The following ANK2 variants were observed in gnomAD, a reference collection of about 807,000 sequenced individuals.
ANK2 encodes ankyrin 2.
A neutral mutation model predicts 360.5 loss-of-function variants in ANK2; 83 were observed. The observed-to-expected ratio is 0.23, with a 90% CI of 0.19 to 0.28. The LOEUF (loss-of-function observed/expected upper bound fraction) is 0.28. Among genes scored for constraint, ANK2 ranks in the 10% least tolerant of loss-of-function variants. The pLI is 1.00. For missense variants in ANK2, 4,201 were observed against 4,795.7 expected (o/e 0.88, Z 3.66); for synonymous variants, 1,740 against 1,759.5 (o/e 0.99, Z 0.28).
intron 1 of ANK2, among the ~76,000 whole-genome samples, chr4:112,875,340 G>T (rs1280063106): frequency 1.3e-5 from 2 of 152,064 alleles, no homozygotes; most frequent in South Asian, 2.1e-4. Context: ...TTGGGACAGG[G>T]TCTTGCTCTG....
At chr4:112,810,141 ATATATATATATATATATATTTT>A in the ANK2 span, among the ~76,000 whole-genome samples, 26 of 26,054 alleles carry the variant, frequency 1.0e-3, no homozygotes, top group African/African-American at 5.8e-3. Context: ...ATATATATAT[ATATATATATATATATATATTTT>A]TTTTTTTTTT....
At chr4:113,167,303 C>CT (rs111441839) in intron 1 of ANK2, among the ~76,000 whole-genome samples, 3,182 of 141,104 alleles carry the variant, frequency 0.023, 53 homozygotes, top group Non-Finnish European at 0.036. Flanking sequence ...CTAGGGTCAC[C>CT]TTTTTTTTTT....
intron 14 of ANK2, 36 bp downstream of exon 14, chr4:113,265,031 A>G (rs1407506038): frequency 2.1e-5 from 32 of 1,537,838 alleles, no homozygotes; most frequent in African/African-American, 9.6e-5. Context: ...CTTCTATCGC[A>G]GCGCATGAGT....
chr4:113,244,457 A>G (rs1170748109), intron 9 of ANK2, among the ~76,000 whole-genome samples: 1 of 152,208 alleles, frequency 6.6e-6, no homozygotes. Flanking sequence ...GCTGGTTTCC[A>G]TGGTGTAAAT....
At chr4:113,250,645 A>C (rs1313051942) in intron 10 of ANK2, among the ~76,000 whole-genome samples, 3 of 152,090 alleles carry the variant, frequency 2.0e-5, no homozygotes, top group Admixed American at 6.6e-5. Context: ...ATACTCATAC[A>C]GAGCTGATTA....
At chr4:113,301,649 T>C (rs10013347) in intron 22 of ANK2, among the ~76,000 whole-genome samples, 72,386 of 151,960 alleles carry the variant, frequency 0.48, 18,174 homozygotes, top group South Asian at 0.57. Context: ...CCCTTCCTTC[T>C]CCAACACCTG....
chr4:113,131,642 C>T (rs1021472634), intron 1 of ANK2, among the ~76,000 whole-genome samples: 2 of 152,192 alleles, frequency 1.3e-5, no homozygotes, highest in Non-Finnish European at 2.9e-5. Context: ...GTGATTGTGG[C>T]ATGTCAAAGT....
At chr4:112,940,896 G>A (rs1581573109) in intron 2 of ANK2, among the ~76,000 whole-genome samples, 1 of 152,048 alleles carries the variant, frequency 6.6e-6, no homozygotes, top group South Asian at 2.1e-4. Flanking sequence ...TTTATGTTCT[G>A]AATCACAGCC....
At chr4:113,211,212 C>A (rs1338887335) in intron 4 of ANK2, among the ~76,000 whole-genome samples, 1 of 152,200 alleles carries the variant, frequency 6.6e-6, no homozygotes, top group Non-Finnish European at 1.5e-5. Flanking sequence ...GGAAAGGATT[C>A]TTGCATCAAT....
chr4:112,831,385 C>G (rs933148970), intron 1 of ANK2, among the ~76,000 whole-genome samples: 1 of 152,226 alleles, frequency 6.6e-6, no homozygotes, highest in Non-Finnish European at 1.5e-5. Context: ...TGCTCTGTGT[C>G]TAGCTAATCT....
rs960025028 is a variant in ANK2, at chr4:112,822,005, C to T, written c.-40+3741C>T. On this transcript the variant is annotated intron_variant, in intron 1 of 30. Coordinates refer to the ANK2 transcript ENST00000503271. Reference sequence around the variant, plus strand: ...CTGGTCTTGAACTCCTGGGCTCAAGCGATCCACCCGCCTCAGCCTCCCAAA... The same window carrying T: ...CTGGTCTTGAACTCCTGGGCTCAAGTGATCCACCCGCCTCAGCCTCCCAAA... 2.6e-5 allele frequency among the ~76,000 whole-genome samples: 4 copies of T among 151,718 alleles called. No individual in the cohort carries two copies. The East Asian group carries it at 5.8e-4, about 22-fold the overall frequency.
the ANK2 span, chr4:112,798,622 G>C: frequency 6.6e-6 from 1 of 152,234 alleles, no homozygotes; most frequent in Non-Finnish European, 1.5e-5. Context: ...ATGATCAATT[G>C]TACCTGTATT....
intron 33 of ANK2, among the ~76,000 whole-genome samples, chr4:113,342,473 G>C (rs1303282969): frequency 6.6e-6 from 1 of 152,090 alleles, no homozygotes; most frequent in Admixed American, 6.5e-5. Context: ...GGCCGAGGTG[G>C]GTGGATCATC....
In ANK2 at chr4:113,292,465, T is replaced by C; in HGVS notation, c.2327T>C (p.Ile776Thr). The change falls in exon 21 of 46, where the codon ATC becomes ACC. Residue 776 changes from isoleucine (I) to threonine (T), a missense_variant. This residue lies in a region of ANK2 where 1,268 missense variants were observed against 1,650.8 expected (regional missense o/e 0.77). Coordinates refer to ENST00000357077, the MANE Select transcript of ANK2 (RefSeq NM_001148.6). ...HQAAQQGHTH[I>T]INVLLQHGAK... The stretch of plus-strand genomic sequence containing the variant: ...GCCGCTCAGCAGGGTCACACGCACA[T>C]CATCAACGTCCTGCTCCAGCATGGG... The C allele has an allele frequency of 6.2e-7, 1 of 1,611,918 alleles. No individual in the cohort carries two copies. The highest frequency in any genetic ancestry group is 8.5e-7 in the Non-Finnish European group (1 of 1,178,982).
Position 113,278,567 on chromosome 4 carries a change from C to A in ANK2, c.1881+9C>A, listed in dbSNP as rs200659747. On this transcript the variant is annotated intron_variant, in intron 17 of 45. Coordinates refer to ENST00000357077, the MANE Select transcript of ANK2 (RefSeq NM_001148.6). ...CTCATGCCACTGCCAAGGTGAGGAC[C>A]ACAGAAAAGGATTTACAGGCATAGG... is the stretch of plus-strand genomic sequence containing the variant. 1.6e-5 allele frequency: 25 copies of A among 1,612,756 alleles called. No individual in the cohort carries two copies. In the East Asian group the frequency reaches 5.1e-4, roughly 33 times the overall value.
chr4:113,054,032 G>T (rs2068377420), intron 1 of ANK2, among the ~76,000 whole-genome samples: 1 of 152,170 alleles, frequency 6.6e-6, no homozygotes, highest in Middle Eastern at 3.2e-3. Context: ...GGAGATTTTG[G>T]TAATTTACAT....
chr4:112,715,228 G>T, the ANK2 span, among the ~76,000 whole-genome samples: 1 of 108,516 alleles, frequency 9.2e-6, no homozygotes, highest in Non-Finnish European at 2.1e-5. Context: ...AACAGTAAAA[G>T]TCCCAAGAAA....
At chr4:112,808,853 G>C in the ANK2 span, among the ~76,000 whole-genome samples, 1 of 151,974 alleles carries the variant, frequency 6.6e-6, no homozygotes, top group Non-Finnish European at 1.5e-5. Context: ...GGGACATACA[G>C]ACTATTTATT....
chr4:112,798,637 G>C, the ANK2 span: 3 of 152,212 alleles, frequency 2.0e-5, no homozygotes, highest in African/African-American at 7.2e-5. Context: ...TGTATTAGTT[G>C]TGGCTCATCT....
Sources: allele counts gnomAD v4.1 joint callset (sites outside exome capture counted in the v4.1 genomes callset), GRCh38; gene constraint gnomAD v4.1.1; regional missense constraint gnomAD v4.1.1; transcripts MANE v1.5; gene names NCBI Gene and HGNC (gene_info 2026-07-23, HGNC 2026-07-21).